The following AGAP1 variants were observed in gnomAD, a reference collection of about 807,000 sequenced individuals.
The protein encoded by AGAP1 is ArfGAP with GTPase domain, ankyrin repeat and PH domain 1, also known as arf-GAP with GTPase, ANK repeat and PH domain-containing protein 1.
Under a neutral mutation model 105.3 loss-of-function variants are expected in AGAP1, and 29 were observed. That is an observed-to-expected ratio of 0.28 (90% CI 0.21 to 0.38). The LOEUF (loss-of-function observed/expected upper bound fraction) is 0.38. Among genes scored for constraint, AGAP1 ranks in the 10% least tolerant of loss-of-function variants. The probability of loss-of-function intolerance (pLI) is 1.00; values close to 1 mark genes in which losing one functional copy is unlikely to be tolerated. For synonymous variants in AGAP1, 509 were observed against 485.9 expected (o/e 1.05, Z -0.63); for missense variants, 998 against 1,165.1 (o/e 0.86, Z 2.09).
At position 235,615,644 on chromosome 2, in the gene AGAP1, T is replaced by G. The variant is rs1946284015; in HGVS notation, c.164-93535T>G. ...CTGACTTCACAGGATAGCTATGCAT[T>G]TTGCCTCTTGGGGAGCTGGGTTATT... On this transcript the variant is annotated intron_variant, in intron 1 of 17. Coordinates refer to ENST00000304032, the MANE Select transcript of AGAP1 (RefSeq NM_001037131.3). This position sits in a 1 kb window ranked among gnomAD's most constrained non-coding sequence, Gnocchi z 5.0. 6.6e-6 allele frequency among the ~76,000 whole-genome samples: 1 copy of G among 152,190 alleles called. No homozygotes were observed. Among genetic ancestry groups the G allele is most frequent in the Non-Finnish European group, 1.5e-5 (1 of 68,044 alleles).
rs1484678775 is a variant in AGAP1 at position 235,712,111 on chromosome 2, C to T, written c.222+2874C>T. Among the ~76,000 whole-genome samples the T allele has an allele frequency of 6.6e-6, 1 of 152,122 alleles. No homozygotes were observed. Among genetic ancestry groups the T allele is most frequent in the African/African-American group, 2.4e-5 (1 of 41,414 alleles). On this transcript the variant is annotated intron_variant, in intron 2 of 17. Coordinates refer to ENST00000304032, the MANE Select transcript of AGAP1 (RefSeq NM_001037131.3). The surrounding 1 kb of genome is among the most constrained non-coding windows in gnomAD (Gnocchi z 6.0). ...GCCATCTCGGCTCACTGCAACCTGCCTCCTGGGTTCAAGTGATTCTCGTGC... is the reference window on the plus strand; with the variant it reads ...GCCATCTCGGCTCACTGCAACCTGCTTCCTGGGTTCAAGTGATTCTCGTGC...
rs550210901 is a variant in AGAP1 at position 235,550,198 on chromosome 2, A to G, written c.163+55349A>G. Among the ~76,000 whole-genome samples, 11 of 152,254 alleles carry G rather than the reference A, an allele frequency of 7.2e-5. No homozygotes were observed. The highest frequency in any genetic ancestry group is 5.9e-4 in the Admixed American group (9 of 15,302). ...CCGTGGCAGTCTTAGCAGGTGGATT[A>G]TCACCGAGCACACAGGCAGCCCGAG... On this transcript the variant is annotated intron_variant, in intron 1 of 17. Transcript: ENST00000304032. This position sits in a 1 kb window ranked among gnomAD's most constrained non-coding sequence, Gnocchi z 4.6.
At position 235,729,804 on chromosome 2, in the gene AGAP1, G is replaced by C. The variant is rs1951843931; in HGVS notation, c.311-11159G>C. ...AAATACCAAAGATGAGACTACAGCA[G>C]CGACTTGTCACCTCTTCCGTGTTGC... On this transcript the variant is annotated intron_variant, in intron 3 of 17. Transcript: ENST00000304032. This position sits in a 1 kb window ranked among gnomAD's most constrained non-coding sequence, Gnocchi z 5.0. Among the ~76,000 whole-genome samples the C allele has an allele frequency of 6.6e-6, 1 of 152,176 alleles. No individual in the cohort carries two copies. The highest frequency in any genetic ancestry group is 2.1e-4 in the South Asian group (1 of 4,830).
intron 1 of AGAP1, among the ~76,000 whole-genome samples, chr2:235,657,520 A>G (rs376176209): frequency 5.3e-4 from 81 of 152,236 alleles, no homozygotes; most frequent in African/African-American, 1.9e-3. Context: ...CTGGGATTAC[A>G]GGCGCCCGCC....
At chr2:235,911,409 G>A (rs2051608041) in intron 11 of AGAP1, among the ~76,000 whole-genome samples, 1 of 152,202 alleles carries the variant, frequency 6.6e-6, no homozygotes, top group Non-Finnish European at 1.5e-5. Flanking sequence ...GCTACCTGCT[G>A]AGTTTGAATA....
chr2:235,601,440 C>G lies in AGAP1; in HGVS notation c.163+106591C>G, dbSNP rs1025003936. On this transcript the variant is annotated intron_variant, in intron 1 of 17. Transcript: ENST00000304032. This position sits in a 1 kb window ranked among gnomAD's most constrained non-coding sequence, Gnocchi z 4.4. ...AAAGGAAAGAAGTTTAACGGACTCA[C>G]AGTTCTACATGGCTGGGGAGGCCTC... Among the ~76,000 whole-genome samples the G allele has an allele frequency of 6.6e-6, 1 of 152,202 alleles. No homozygotes were observed.
At position 235,951,912 on chromosome 2, in the gene AGAP1, C is replaced by T. The variant is rs1418271752; in HGVS notation, c.1484-16550C>T. Among the ~76,000 whole-genome samples the T allele has an allele frequency of 6.6e-6, 1 of 151,834 alleles. No individual in the cohort carries two copies. The highest frequency in any genetic ancestry group is 2.4e-5 in the African/African-American group (1 of 41,130). On this transcript the variant is annotated intron_variant, in intron 12 of 17. Coordinates refer to ENST00000304032, the MANE Select transcript of AGAP1 (RefSeq NM_001037131.3). The surrounding 1 kb of genome is among the most constrained non-coding windows in gnomAD (Gnocchi z 4.2). ...AGATTTTTGGTGGAAACAAATGGTC[C>T]ACCCTGATCTACTCATTTACCATCT...
intron 12 of AGAP1, among the ~76,000 whole-genome samples, chr2:235,955,942 G>C (rs555150918): frequency 3.9e-5 from 6 of 152,270 alleles, no homozygotes; most frequent in African/African-American, 1.4e-4. Flanking sequence ...GTGCAGCAGT[G>C]GGTCATTTGA....
intron 1 of AGAP1, among the ~76,000 whole-genome samples, chr2:235,584,960 C>A (rs1235915951): frequency 1.5e-5 from 2 of 133,356 alleles, no homozygotes; most frequent in Non-Finnish European, 3.1e-5. Flanking sequence ...TCCTTTTAGG[C>A]GTCACCCCCC....
intron 12 of AGAP1, among the ~76,000 whole-genome samples, chr2:235,946,023 G>A (rs2053483285): frequency 6.6e-6 from 1 of 151,866 alleles, no homozygotes; most frequent in South Asian, 2.1e-4. Context: ...CGCCAGCATT[G>A]GGGATGACAA....
At chr2:235,968,407 A>G (rs1035740745) in intron 12 of AGAP1, 55 bp from the exon 13 acceptor site, 18 of 1,546,500 alleles carry the variant, frequency 1.2e-5, no homozygotes, top group Middle Eastern at 2.1e-4. Context: ...TCTGCTTTGT[A>G]AGTGCTCACT....
At chr2:235,638,294 G>T (rs1274306466) in intron 1 of AGAP1, among the ~76,000 whole-genome samples, 1 of 152,120 alleles carries the variant, frequency 6.6e-6, no homozygotes, top group African/African-American at 2.4e-5. Context: ...GATGTGCTGT[G>T]AGAGGTGAGT....
Position 235,964,073 on chromosome 2 carries a change from A to G in AGAP1, c.1484-4389A>G, listed in dbSNP as rs2054293231. On this transcript the variant is annotated intron_variant, in intron 12 of 17. Coordinates refer to ENST00000304032, the MANE Select transcript of AGAP1 (RefSeq NM_001037131.3). This position sits in a 1 kb window ranked among gnomAD's most constrained non-coding sequence, Gnocchi z 4.6. ...TGGTTGCCCTGGGCACAGGCATGCTAGTTAGATTGAGATAAGCGACTGGCA... is the reference window on the plus strand; with the variant it reads ...TGGTTGCCCTGGGCACAGGCATGCTGGTTAGATTGAGATAAGCGACTGGCA... Among the ~76,000 whole-genome samples, 1 of 152,118 alleles carries G rather than the reference A, an allele frequency of 6.6e-6. No homozygotes were observed. The highest frequency in any genetic ancestry group is 1.5e-5 in the Non-Finnish European group (1 of 68,020).
At chr2:235,518,725 A>T (rs889485613) in intron 1 of AGAP1, among the ~76,000 whole-genome samples, 1 of 152,228 alleles carries the variant, frequency 6.6e-6, no homozygotes, top group Non-Finnish European at 1.5e-5. Context: ...TAATGCTTGG[A>T]TATAACTTTT....
intron 12 of AGAP1, among the ~76,000 whole-genome samples, chr2:235,968,036 C>T (rs1559705992): frequency 6.6e-6 from 1 of 152,148 alleles, no homozygotes; most frequent in Non-Finnish European, 1.5e-5. Context: ...CCTGTGCACC[C>T]ACAGGAGTCA....
intron 13 of AGAP1, among the ~76,000 whole-genome samples, chr2:235,980,146 A>G (rs1254467484): frequency 1.3e-5 from 2 of 152,206 alleles, no homozygotes; most frequent in African/African-American, 4.8e-5. Context: ...GTGGCGCTGA[A>G]TATTCCACGC....
chr2:235,779,562 G>A (rs1328251494), intron 6 of AGAP1, among the ~76,000 whole-genome samples: 3 of 152,086 alleles, frequency 2.0e-5, no homozygotes, highest in Non-Finnish European at 4.4e-5. Context: ...TCAGCTCTGC[G>A]AGTCCAGAGC....
rs2051231253 is a variant in AGAP1, at chr2:235,904,921, G to C, written c.1156-3817G>C. Among the ~76,000 whole-genome samples the C allele has an allele frequency of 6.6e-6, 1 of 152,026 alleles. No individual in the cohort carries two copies. Among genetic ancestry groups the C allele is most frequent in the African/African-American group, 2.4e-5 (1 of 41,402 alleles). On this transcript the variant is annotated intron_variant, in intron 10 of 17. Transcript: ENST00000304032. This position sits in a 1 kb window ranked among gnomAD's most constrained non-coding sequence, Gnocchi z 4.2. ...TGCATTTTGTAAAATTTTTAAAAAT[G>C]TGCAGTGCCTTGAAATATAAGAATT...
chr2:236,011,679 T>C (rs1260221522), intron 13 of AGAP1, among the ~76,000 whole-genome samples: 1 of 152,236 alleles, frequency 6.6e-6, no homozygotes, highest in Non-Finnish European at 1.5e-5. Flanking sequence ...AGTTAGCCTG[T>C]GTTTAAGAGG....
Sources: allele counts gnomAD v4.1 joint callset (sites outside exome capture counted in the v4.1 genomes callset), GRCh38; gene constraint gnomAD v4.1.1; non-coding constraint Gnocchi (gnomAD v3.1); transcripts MANE v1.5; gene names NCBI Gene and HGNC (gene_info 2026-07-23, HGNC 2026-07-21).